THEMIS: variants seen among roughly 807,000 people sequenced by gnomAD.
The protein encoded by THEMIS is protein THEMIS.
THEMIS carries 37 observed loss-of-function variants against 52.6 expected under a neutral mutation model. The ratio of observed to expected loss-of-function variants is 0.70; its 90% CI spans 0.54 to 0.93. The LOEUF (loss-of-function observed/expected upper bound fraction) is 0.93. THEMIS is among the 40% of genes least tolerant of loss of function. The probability of loss-of-function intolerance (pLI) is 0.00; values close to 1 mark genes in which losing one functional copy is unlikely to be tolerated. For missense variants in THEMIS, 808 were observed against 763.1 expected, an observed-to-expected ratio of 1.06 and a Z score of -0.69; for synonymous variants, 292 against 272.7, an observed-to-expected ratio of 1.07 and a Z score of -0.70.
intron 4 of THEMIS, among the ~76,000 whole-genome samples, chr6:127,797,271 T>C (rs1429611917): frequency 1.3e-5 from 2 of 152,212 alleles, no homozygotes; most frequent in Non-Finnish European, 2.9e-5. Flanking sequence ...TAACCCTTTT[T>C]TTCATAGGTC....
chr6:127,730,100 T>C (rs531088355), intron 4 of THEMIS, among the ~76,000 whole-genome samples: 24 of 151,756 alleles, frequency 1.6e-4, no homozygotes, highest in Admixed American at 1.3e-3. Flanking sequence ...TGAGCCCCTG[T>C]TTCTAATAAA....
upstream of THEMIS, among the ~76,000 whole-genome samples, chr6:127,904,175 C>A (rs1160623082): frequency 6.6e-6 from 1 of 152,004 alleles, no homozygotes; most frequent in Non-Finnish European, 1.5e-5. Flanking sequence ...AGCAATTCCT[C>A]CAGGAAAAGT....
chr6:127,880,049 T>C (rs1055470768), intron 1 of THEMIS, among the ~76,000 whole-genome samples: 1 of 152,210 alleles, frequency 6.6e-6, no homozygotes, highest in Non-Finnish European at 1.5e-5. Context: ...TGCCACTTTT[T>C]AGGTGCCATC....
At chr6:127,839,530 A>C (rs1420498539) in intron 2 of THEMIS, among the ~76,000 whole-genome samples, 1 of 151,818 alleles carries the variant, frequency 6.6e-6, no homozygotes, top group African/African-American at 2.4e-5. Flanking sequence ...TTTGAGATGG[A>C]GTCTTGCTTT....
At chr6:127,900,796 C>G in intron 1 of THEMIS, 46 bp downstream of exon 1, 1 of 1,548,490 alleles carries the variant, frequency 6.5e-7, no homozygotes, top group Admixed American at 1.7e-5. Flanking sequence ...AAAATGTATA[C>G]TTTACAAGAA....
chr6:127,731,737 G>A (rs1193601565), intron 4 of THEMIS, among the ~76,000 whole-genome samples: 13 of 129,580 alleles, frequency 1.0e-4, no homozygotes, highest in Non-Finnish European at 1.9e-4. Flanking sequence ...TCGCTCTGTC[G>A]CCCAGGCTAG....
intron 4 of THEMIS, among the ~76,000 whole-genome samples, chr6:127,755,163 C>T (rs1023820260): frequency 2.6e-5 from 4 of 152,174 alleles, no homozygotes; most frequent in Admixed American, 1.3e-4. Context: ...TAATATAATG[C>T]TCTTGCACTA....
chr6:127,733,026 G>T (rs1774865158), intron 4 of THEMIS, among the ~76,000 whole-genome samples: 1 of 152,098 alleles, frequency 6.6e-6, no homozygotes. Context: ...TAGTGGATTT[G>T]GTGTTGTTCG....
Position 127,813,083 on chromosome 6 carries a change from A to G in THEMIS, c.1558T>C (p.Ser520Pro). 1.9e-6 allele frequency: 3 copies of G among 1,614,068 alleles called. No individual in the cohort carries two copies. The change falls in exon 4 of 6, where the codon TCT becomes CCT. Residue 520 changes from serine (S) to proline (P), a missense_variant. Ser to Pro is a moderately conservative substitution (Grantham distance 74). Coordinates refer to ENST00000368248, the MANE Select transcript of THEMIS (RefSeq NM_001010923.3). ...NMTVQLVSNF[S>P]RDAEPFLVRT... ...ACTAGAAATGGTTCTGCATCCCTAG[A>G]GAAATTACTAACTAACTGAACAGTC...
At chr6:127,827,942 T>A (rs1428036609) in intron 3 of THEMIS, among the ~76,000 whole-genome samples, 1 of 152,174 alleles carries the variant, frequency 6.6e-6, no homozygotes, top group African/African-American at 2.4e-5. Flanking sequence ...TGTTCATATT[T>A]GTTTCAACCT....
At chr6:127,779,565 A>G (rs866845784) in intron 4 of THEMIS, among the ~76,000 whole-genome samples, 1 of 152,168 alleles carries the variant, frequency 6.6e-6, no homozygotes, top group Non-Finnish European at 1.5e-5. Context: ...ACTATATTGC[A>G]CAGAATAAAA....
At chr6:127,804,389 C>A (rs1452499329) in intron 4 of THEMIS, among the ~76,000 whole-genome samples, 2 of 152,102 alleles carry the variant, frequency 1.3e-5, no homozygotes, top group East Asian at 1.9e-4. Flanking sequence ...ACCTTATATA[C>A]CCCTTAGCCT....
intron 3 of THEMIS, among the ~76,000 whole-genome samples, chr6:127,816,603 C>A (rs1778143965): frequency 6.6e-6 from 1 of 152,172 alleles, no homozygotes; most frequent in East Asian, 1.9e-4. Context: ...TCAGGACTAT[C>A]CTGATCTAAG....
intron 4 of THEMIS, among the ~76,000 whole-genome samples, chr6:127,800,429 T>C (rs1030931806): frequency 6.6e-6 from 1 of 152,250 alleles, no homozygotes. Context: ...CTTAGATTTC[T>C]TTCCTAAAGT....
intron 4 of THEMIS, among the ~76,000 whole-genome samples, chr6:127,728,226 C>G (rs1366225773): frequency 7.9e-5 from 12 of 152,180 alleles, no homozygotes; most frequent in Admixed American, 7.9e-4. Flanking sequence ...TGGATTCTAA[C>G]ACTCTCCTCT....
rs146173025 is a variant in THEMIS at position 127,813,570 on chromosome 6, G to A, written c.1071C>T (p.Ile357=). The part of the protein sequence containing the change: ...REFPTAYDLE[I]AKSEKEPLHV... The stretch of plus-strand genomic sequence containing the variant: ...GAAGAGGCTCCTTTTCACTCTTAGC[G>A]ATCTCTAGGTCATAGGCCGTTGGGA... The change falls in exon 4 of 6, where the codon ATC becomes ATT. Residue 357 remains isoleucine (I), a synonymous_variant. Transcript: ENST00000368248. 4 of 1,613,654 alleles carry A rather than the reference G, an allele frequency of 2.5e-6. No individual in the cohort carries two copies. The highest frequency in any genetic ancestry group is 1.1e-5 in the South Asian group (1 of 91,030).
At chr6:127,828,903 G>A (rs1778598453) in intron 3 of THEMIS, among the ~76,000 whole-genome samples, 1 of 152,118 alleles carries the variant, frequency 6.6e-6, no homozygotes, top group African/African-American at 2.4e-5. Context: ...GCAAGACTCT[G>A]TCTCAAAACA....
intron 1 of THEMIS, among the ~76,000 whole-genome samples, chr6:127,857,748 T>C (rs570871863): frequency 6.6e-6 from 1 of 152,018 alleles, no homozygotes; most frequent in Non-Finnish European, 1.5e-5. Context: ...ACAAGATCCC[T>C]AGATGATTTA....
the THEMIS span, among the ~76,000 whole-genome samples, chr6:127,702,072 CT>C: frequency 6.6e-6 from 1 of 151,738 alleles, no homozygotes; most frequent in African/African-American, 2.4e-5. Context: ...TTTAGATATC[CT>C]TTTACCAAGA....
Sources: gnomAD v4.1 joint callset for allele counts (sites outside exome capture counted in the v4.1 genomes callset) on GRCh38, gnomAD v4.1.1 for gene constraint, MANE v1.5 for transcripts, NCBI Gene and HGNC (gene_info 2026-07-23, HGNC 2026-07-21) for gene names.